The following GGA3 variants were observed in gnomAD, a reference collection of about 807,000 sequenced individuals.
GGA3 encodes the protein golgi associated, gamma adaptin ear containing, ARF binding protein 3.
A neutral mutation model predicts 77.5 loss-of-function variants in GGA3; 57 were observed. The ratio of observed to expected loss-of-function variants is 0.74; its 90% confidence interval spans 0.59 to 0.92. The LOEUF is 0.92. Ranked by LOEUF, GGA3 falls within the 40% of genes least tolerant of loss-of-function variation. GGA3 has a pLI of 0.00. For missense variants in GGA3, 970 were observed against 914.9 expected, an observed-to-expected ratio of 1.06 and a Z score of -0.78; for synonymous variants, 416 against 383.7, an observed-to-expected ratio of 1.08 and a Z score of -0.98.
At chr17:75,246,874 T>A in intron 1 of GGA3, 78 bp from the exon 2 acceptor site, 1 of 1,093,680 alleles carries the variant, frequency 9.1e-7, no homozygotes. Context: ...TCGCAAGTTT[T>A]AAGCACTAAG....
Position 75,242,821 on chromosome 17 carries a change from G to A in GGA3, c.609+10C>T. 1 of 1,606,896 alleles carries A rather than the reference G, an allele frequency of 6.2e-7. No individual in the cohort carries two copies. The highest frequency in any genetic ancestry group is 8.5e-7 in the Non-Finnish European group (1 of 1,173,428). On this transcript the variant is annotated intron_variant, in intron 7 of 16. Coordinates refer to ENST00000537686, the MANE Select transcript of GGA3 (RefSeq NM_138619.4). Reference sequence around the variant, plus strand: ...TCCACCCCGTGCCTGAAGGACCGGGGCCCACTCACTTCCTTCACCATGGAC... The same window carrying A: ...TCCACCCCGTGCCTGAAGGACCGGGACCCACTCACTTCCTTCACCATGGAC...
At chr17:75,261,677 G>C (rs2077390762), upstream of GGA3, 9 of 1,310,666 alleles carry the variant, frequency 6.9e-6, no homozygotes, top group East Asian at 2.3e-4. Context: ...CCTGAGAGGA[G>C]TGAGTGCCGT....
chr17:75,262,141 T>G (rs181558330), upstream of GGA3: 53 of 856,580 alleles, frequency 6.2e-5, no homozygotes, highest in African/African-American at 8.5e-4. Context: ...AATCCGAAGG[T>G]TTAGTGACTA....
intron 1 of GGA3, among the ~76,000 whole-genome samples, chr17:75,249,753 AC>A (rs1373440255): frequency 1.3e-5 from 2 of 152,176 alleles, no homozygotes; most frequent in Non-Finnish European, 2.9e-5. Flanking sequence ...CACTTTTTGC[AC>A]GGGGAAAAGC....
chr17:75,248,433 T>C (rs1228607534), intron 1 of GGA3, among the ~76,000 whole-genome samples: 1 of 117,892 alleles, frequency 8.5e-6, no homozygotes, highest in African/African-American at 3.3e-5. Context: ...ATCGCACCAC[T>C]GCATTCCAGC....
intron 8 of GGA3, chr17:75,242,091 G>A: frequency 1.7e-6 from 1 of 584,780 alleles, no homozygotes; most frequent in Non-Finnish European, 3.1e-6. Flanking sequence ...CGAGAGTGTG[G>A]TCTCTGGAGT....
intron 5 of GGA3, 114 bp downstream of exon 5, chr17:75,243,333 G>A (rs577230978): frequency 1.5e-6 from 2 of 1,374,066 alleles, no homozygotes; most frequent in African/African-American, 1.4e-5. Context: ...CTTGCCTGGG[G>A]ACAAATGCTG....
chr17:75,246,636 C>T (rs1469083700), intron 2 of GGA3, 52 bp from the exon 3 acceptor site: 10 of 1,593,346 alleles, frequency 6.3e-6, no homozygotes, highest in Admixed American at 1.7e-5. Context: ...GGCTACCTGG[C>T]TGGCCCTCCT....
intron 4 of GGA3, 85 bp downstream of exon 4, chr17:75,244,534 G>T (rs2076688214): frequency 1.2e-6 from 1 of 842,948 alleles, no homozygotes; most frequent in Non-Finnish European, 2.1e-6. Flanking sequence ...GGAGATGTTG[G>T]ATGGGCAGTG....
In GGA3 at chr17:75,240,396, G is replaced by T; in HGVS notation, c.1209C>A (p.Ala403=). ...CTGACTCTTTGGGAGGAACATTAGG[G>T]GCTGGGTCGGCGAGGCCTGACAATA... The part of the protein sequence containing the change: ...ELLCLGLADP[A]PNVPPKESAG... The change falls in exon 12 of 17, where the codon GCC becomes GCA. Residue 403 remains alanine (A), a synonymous_variant. Coordinates refer to ENST00000537686, the MANE Select transcript of GGA3 (RefSeq NM_138619.4). 1 of 1,598,014 alleles carries T rather than the reference G, an allele frequency of 6.3e-7. No individual in the cohort carries two copies. Among genetic ancestry groups the T allele is most frequent in the Non-Finnish European group, 8.5e-7 (1 of 1,172,694 alleles).
chr17:75,240,954 G>T lies in GGA3; in HGVS notation c.1050C>A (p.Ser350=), dbSNP rs780877770. Residue 350 remains serine, a synonymous_variant, in exon 11 of 17, where the codon TCC becomes TCA. Coordinates refer to ENST00000537686, the MANE Select transcript of GGA3 (RefSeq NM_138619.4). The part of the protein sequence containing the change: ...SVLAPAPTPP[S]SGIPILPPPP... ...GTGGAGGGAGGATTGGGATGCCTGAGGAGGGTGGAGTAGGTGCTGGGGCCA... is the reference window on the plus strand; with the variant it reads ...GTGGAGGGAGGATTGGGATGCCTGATGAGGGTGGAGTAGGTGCTGGGGCCA... 1 of 1,614,176 alleles carries T rather than the reference G, an allele frequency of 6.2e-7. No individual in the cohort carries two copies. Among genetic ancestry groups the T allele is most frequent in the Non-Finnish European group, 8.5e-7 (1 of 1,180,008 alleles).
chr17:75,240,663 T>G, intron 11 of GGA3, 149 bp downstream of exon 11: 4 of 903,076 alleles, frequency 4.4e-6, no homozygotes, highest in Non-Finnish European at 6.5e-6. Flanking sequence ...GCCCTCAGGG[T>G]CGCTGAACTT....
In GGA3 at chr17:75,237,663, C is replaced by A; in HGVS notation, c.*616G>T. 6.7e-7 allele frequency: 1 copy of A among 1,489,492 alleles called. No individual in the cohort carries two copies. Among genetic ancestry groups the A allele is most frequent in the East Asian group, 2.5e-5 (1 of 40,506 alleles). The allele number at this position is 1,489,492 out of a possible 1,614,324, so 92.3% of individuals were successfully genotyped here. On this transcript the variant is annotated 3_prime_UTR_variant, in exon 17 of 17. Coordinates refer to ENST00000537686, the MANE Select transcript of GGA3 (RefSeq NM_138619.4). ...CCTGCCACTGCCAGGGACAAGCACA[C>A]AACTCATCACTCCGTGGCCATTCCA...
chr17:75,261,455 G>A (rs1186851883), intron 1 of GGA3, 93 bp downstream of exon 1: 2 of 1,054,484 alleles, frequency 1.9e-6, no homozygotes, highest in African/African-American at 3.3e-5. Context: ...CTGCCAAGAG[G>A]CGACGCCGTG....
chr17:75,238,879 A>T (rs552276714), intron 15 of GGA3, 35 bp downstream of exon 15: 14 of 1,610,064 alleles, frequency 8.7e-6, no homozygotes, highest in Non-Finnish European at 1.2e-5. Context: ...CAGGGTCAAG[A>T]TAAGGCCGTT....
Position 75,240,920 on chromosome 17 carries a change from C to T in GGA3, c.1084G>A (p.Ala362Thr), listed in dbSNP as rs770730028. Residue 362 changes from alanine to threonine, a missense_variant, in exon 11 of 17, where the codon GCC becomes ACC. Transcript: ENST00000537686. The stretch of plus-strand genomic sequence containing the variant: ...GAGCGGCTCCGTGGAGGTCCTGAGG[C>T]CTGGGGTGGTGGAGGGAGGATTGGG... ...GIPILPPPPQ[A>T]SGPPRSRSSS... 1.4e-5 allele frequency: 23 copies of T among 1,613,720 alleles called. No homozygotes were observed. Among genetic ancestry groups the T allele is most frequent in the Non-Finnish European group, 1.8e-5 (21 of 1,179,884 alleles).
rs1250223911 is a variant in GGA3, at chr17:75,236,730, G to A, written c.*1549C>T. On this transcript the variant is annotated 3_prime_UTR_variant, in exon 17 of 17. Transcript: ENST00000537686. ...AACACTCAAATAACTGTAATGTCTA[G>A]AGCATAACACAAAGTTCCATTTCCA... 6.5e-6 allele frequency: 1 copy of A among 153,530 alleles called. No individual in the cohort carries two copies. Among genetic ancestry groups the A allele is most frequent in the Non-Finnish European group, 1.5e-5 (1 of 68,688 alleles). 9.5% of individuals were successfully genotyped at this position (153,530 alleles called of 1,614,324 possible). A position where few individuals can be genotyped will look rare whatever the true frequency, so the allele number is the denominator to read the frequency against.
chr17:75,240,269 A>G, intron 12 of GGA3, 73 bp downstream of exon 12: 3 of 1,197,222 alleles, frequency 2.5e-6, no homozygotes, highest in South Asian at 2.7e-5. Context: ...AGCTAACTGC[A>G]GCCCAGGAGA....
In GGA3 at chr17:75,243,471, C is replaced by A. The variant is rs369084305; in HGVS notation, c.400G>T (p.Ala134Ser). 1 of 1,614,062 alleles carries A rather than the reference C, an allele frequency of 6.2e-7. No individual in the cohort carries two copies. The highest frequency in any genetic ancestry group is 1.1e-5 in the South Asian group (1 of 91,094). The change falls in exon 5 of 17, where the codon GCC (alanine) becomes TCC (serine). Residue 134 changes from alanine (A) to serine (S), a missense_variant. Physicochemically the swap from Ala to Ser is moderately conservative, Grantham distance 99. Coordinates refer to ENST00000537686, the MANE Select transcript of GGA3 (RefSeq NM_138619.4). ...ALPEEAKIKD[A>S]YHMLKRQGIV... is the part of the protein sequence containing the mutation. ...CCCTGTCTCTTCAGCATGTGGTAGG[C>A]GTCTTTGATCTTTGCTTCTTCTGGC...
Sources: allele counts gnomAD v4.1 joint callset (sites outside exome capture counted in the v4.1 genomes callset), GRCh38; gene constraint gnomAD v4.1.1; transcripts MANE v1.5; gene names NCBI Gene and HGNC (gene_info 2026-07-23, HGNC 2026-07-21).